PHYHIPL: variants seen among roughly 807,000 people sequenced by gnomAD.
PHYHIPL encodes the protein phytanoyl-CoA 2-hydroxylase interacting protein like.
Under a neutral mutation model 33.4 loss-of-function variants are expected in PHYHIPL, and 9 were observed. The observed-to-expected ratio is 0.27, with a 90% confidence interval of 0.16 to 0.47. The LOEUF (loss-of-function observed/expected upper bound fraction) is 0.47, where lower values mean the gene tolerates loss of function less well. PHYHIPL is among the 20% of genes least tolerant of loss of function. PHYHIPL has a pLI of 0.99. For synonymous variants in PHYHIPL, 153 were observed against 154.1 expected (o/e 0.99, Z 0.05); for missense variants, 365 against 460.7 (o/e 0.79, Z 1.90).
chr10:59,230,212 CTTTTTT>C (rs71006238), intron 1 of PHYHIPL, among the ~76,000 whole-genome samples: 2 of 123,378 alleles, frequency 1.6e-5, no homozygotes, highest in South Asian at 5.0e-4. Context: ...AAATTGCTTT[CTTTTTT>C]TTTTTTTTTT....
Position 59,238,695 on chromosome 10 carries a change from G to C in PHYHIPL, c.586G>C (p.Asp196His). 6.4e-7 allele frequency: 1 copy of C among 1,571,860 alleles called. No individual in the cohort carries two copies. Among genetic ancestry groups the C allele is most frequent in the African/African-American group, 1.4e-5 (1 of 73,992 alleles). ...TCGTAATCAGCACAAAGAATATTTT[G>C]ACTATGTTCGGTAAGATTCAAAAAT... ...FYRNQHKEYFDYVREHHGNAM... is the reference protein window; with the variant it reads ...FYRNQHKEYFHYVREHHGNAM... Residue 196 changes from aspartate (D) to histidine (H), a missense_variant, in exon 4 of 5, where the codon GAC (aspartate) becomes CAC (histidine). By Grantham distance (81) the Asp-to-His change is moderately conservative (BLOSUM62 -1). This residue lies in a region of PHYHIPL where 196 missense variants were observed against 224.9 expected (regional missense o/e 0.87). Transcript: ENST00000373880.
At chr10:59,214,118 T>C (rs1839541815) in intron 1 of PHYHIPL, among the ~76,000 whole-genome samples, 1 of 152,130 alleles carries the variant, frequency 6.6e-6, no homozygotes, top group African/African-American at 2.4e-5. Context: ...GATAAATGAA[T>C]TTCTATTCCA....
chr10:59,231,045 C>G (rs1170502783), intron 1 of PHYHIPL, among the ~76,000 whole-genome samples: 4 of 151,546 alleles, frequency 2.6e-5, no homozygotes, highest in African/African-American at 9.7e-5. Flanking sequence ...AATAAGAAAG[C>G]AGGAGATAAA....
intron 1 of PHYHIPL, among the ~76,000 whole-genome samples, chr10:59,193,092 A>G (rs1026155577): frequency 3.3e-5 from 5 of 152,096 alleles, no homozygotes; most frequent in Non-Finnish European, 1.5e-5. Flanking sequence ...TGAGACCCAT[A>G]TGAGGTTTTT....
In PHYHIPL at chr10:59,244,586, A is replaced by AG. The variant is rs1554801184; in HGVS notation, c.597-470dup. The stretch of plus-strand genomic sequence containing the variant: ...TCAAAAAAAAAAAAAAAAAAAAAAA[A>AG]GCCAAAACAAAACACAACGCTTTTG... On this transcript the variant is annotated intron_variant, in intron 4 of 4. Coordinates refer to ENST00000373880, the MANE Select transcript of PHYHIPL (RefSeq NM_032439.4). 6.8e-4 allele frequency among the ~76,000 whole-genome samples: 93 copies of AG among 136,636 alleles called. 1 individual carries two copies. Among genetic ancestry groups the AG allele is most frequent in the African/African-American group, 9.3e-4 (35 of 37,646 alleles). The allele number at this position is 136,636 out of a possible 152,430, so 89.6% of individuals were successfully genotyped here.
chr10:59,228,428 GT>G (rs1839989172), intron 1 of PHYHIPL, among the ~76,000 whole-genome samples: 1 of 152,058 alleles, frequency 6.6e-6, no homozygotes, highest in Non-Finnish European at 1.5e-5. Context: ...TAGTTTTGGT[GT>G]TTTGTTGTGG....
chr10:59,214,668 C>T (rs12265463), intron 1 of PHYHIPL, among the ~76,000 whole-genome samples: 29,011 of 151,860 alleles, frequency 0.19, 3,455 homozygotes, highest in African/African-American at 0.32. Flanking sequence ...AAATTAAAAT[C>T]CTATAGTACT....
intron 1 of PHYHIPL, among the ~76,000 whole-genome samples, chr10:59,210,196 T>C (rs1455297814): frequency 6.6e-6 from 1 of 152,128 alleles, no homozygotes; most frequent in Admixed American, 6.5e-5. Flanking sequence ...AAAGGGCTAA[T>C]ATCCAGAATC....
intron 1 of PHYHIPL, among the ~76,000 whole-genome samples, chr10:59,186,325 A>G (rs1042895057): frequency 2.7e-4 from 41 of 152,134 alleles, no homozygotes; most frequent in Admixed American, 3.9e-4. Flanking sequence ...ATTGGTCTCT[A>G]TCTCTGTTTT....
intron 1 of PHYHIPL, among the ~76,000 whole-genome samples, chr10:59,189,269 G>GA (rs1364556534): frequency 2.0e-5 from 3 of 151,890 alleles, no homozygotes; most frequent in African/African-American, 7.2e-5. Flanking sequence ...AGAATTTCTA[G>GA]AAAAATGAAA....
intron 1 of PHYHIPL, among the ~76,000 whole-genome samples, chr10:59,185,869 T>C (rs1379142513): frequency 2.0e-5 from 3 of 152,192 alleles, no homozygotes; most frequent in Admixed American, 2.0e-4. Context: ...ATATTAGCCC[T>C]TTGTCAGATG....
intron 1 of PHYHIPL, 171 bp downstream of exon 1, chr10:59,177,130 A>T: frequency 1.6e-6 from 1 of 631,152 alleles, no homozygotes; most frequent in Non-Finnish European, 2.7e-6. Flanking sequence ...CCCTCACCCC[A>T]GAAACAAAAG....
In PHYHIPL at chr10:59,245,838, T is replaced by C. The variant is rs913989259; in HGVS notation, c.*247T>C. 63 of 450,100 alleles carry C rather than the reference T, an allele frequency of 1.4e-4. No individual in the cohort carries two copies. Among genetic ancestry groups the C allele is most frequent in the Non-Finnish European group, 2.8e-5 (7 of 253,530 alleles). The allele number at this position is 450,100 out of a possible 1,614,324, so 27.9% of individuals were successfully genotyped here. ...GTTCTCCTTTTGACACTTTATTGCC[T>C]AGATGCTGCAATGTTTTTATGTTTC... On this transcript the variant is annotated 3_prime_UTR_variant, in exon 5 of 5. Coordinates refer to ENST00000373880, the MANE Select transcript of PHYHIPL (RefSeq NM_032439.4).
chr10:59,206,010 G>T (rs1839273846), intron 1 of PHYHIPL, among the ~76,000 whole-genome samples: 1 of 152,132 alleles, frequency 6.6e-6, no homozygotes, highest in Non-Finnish European at 1.5e-5. Context: ...GCATTACTTT[G>T]TCCTAGTACA....
chr10:59,229,356 A>C (rs1402471441), intron 1 of PHYHIPL, among the ~76,000 whole-genome samples: 1 of 152,162 alleles, frequency 6.6e-6, no homozygotes, highest in Non-Finnish European at 1.5e-5. Flanking sequence ...ACGAGAAGAG[A>C]ATTATTATGG....
chr10:59,189,915 AAAG>A (rs1311149425), intron 1 of PHYHIPL, among the ~76,000 whole-genome samples: 2 of 152,104 alleles, frequency 1.3e-5, no homozygotes, highest in Admixed American at 6.5e-5. Context: ...TTGCTGGAGG[AAAG>A]AAGTGTGCCT....
In PHYHIPL at chr10:59,246,874, A is replaced by G. The variant is rs1433435980; in HGVS notation, c.*1283A>G. ...TACTACAGACACATATCTATCCAAA[A>G]TACCTATTTTAAATTTTTAATACAA... On this transcript the variant is annotated 3_prime_UTR_variant, in exon 5 of 5. Transcript: ENST00000373880. The G allele has an allele frequency of 5.5e-6, 2 of 365,364 alleles. No individual in the cohort carries two copies. Among genetic ancestry groups the G allele is most frequent in the Non-Finnish European group, 4.9e-6 (1 of 206,006 alleles). The allele number at this position is 365,364 out of a possible 1,614,324, so 22.6% of individuals were successfully genotyped here.
intron 1 of PHYHIPL, among the ~76,000 whole-genome samples, chr10:59,230,522 C>T (rs1840048706): frequency 6.6e-6 from 1 of 152,052 alleles, no homozygotes; most frequent in Non-Finnish European, 1.5e-5. Context: ...CCAAAAATTG[C>T]TTTCTTGAAA....
rs554649380 is a variant in PHYHIPL, at chr10:59,191,452, T to A, written c.106+14493T>A. On this transcript the variant is annotated intron_variant, in intron 1 of 4. Coordinates refer to ENST00000373880, the MANE Select transcript of PHYHIPL (RefSeq NM_032439.4). ...GGTGATAACTTTATTCTGATTACATTTTAGTCATTAGATTTGCAGTAACTT... is the reference window on the plus strand; with the variant it reads ...GGTGATAACTTTATTCTGATTACATATTAGTCATTAGATTTGCAGTAACTT... Among the ~76,000 whole-genome samples the A allele has an allele frequency of 1.1e-4, 16 of 152,110 alleles. No individual in the cohort carries two copies. The South Asian group carries it at 3.3e-3, about 32-fold the overall frequency.
Sources: allele counts gnomAD v4.1 joint callset (sites outside exome capture counted in the v4.1 genomes callset), GRCh38; gene constraint gnomAD v4.1.1; regional missense constraint gnomAD v4.1.1; transcripts MANE v1.5; gene names NCBI Gene and HGNC (gene_info 2026-07-23, HGNC 2026-07-21).